CSMD1: variants seen among roughly 807,000 people sequenced by gnomAD.
CSMD1 encodes the protein CUB and sushi domain-containing protein 1.
A neutral mutation model predicts 417.5 loss-of-function variants in CSMD1; 213 were observed. The ratio of observed to expected loss-of-function variants is 0.51; its 90% CI spans 0.46 to 0.57. CSMD1 has a LOEUF of 0.57. Among genes scored for constraint, CSMD1 ranks in the 20% least tolerant of loss-of-function variants. The pLI, the probability that CSMD1 is intolerant of heterozygous loss-of-function variation, is 0.00. For missense variants in CSMD1, 6,923 were observed against 4,529.7 expected (o/e 1.53, Z -15.17); for synonymous variants, 2,862 against 1,736.8 (o/e 1.65, Z -16.11).
At chr8:3,394,269 T>C (rs1241165866) in intron 17 of CSMD1, among the ~76,000 whole-genome samples, 1 of 147,160 alleles carries the variant, frequency 6.8e-6, no homozygotes, top group African/African-American at 2.5e-5. Context: ...TAATGTGTAT[T>C]CCATATTTTA....
intron 7 of CSMD1, among the ~76,000 whole-genome samples, chr8:3,670,864 G>GAT (rs1230332882): frequency 6.7e-6 from 1 of 150,312 alleles, no homozygotes; most frequent in African/African-American, 2.4e-5. Flanking sequence ...ATATGTATGG[G>GAT]ATATATATGT....
intron 21 of CSMD1, among the ~76,000 whole-genome samples, chr8:3,351,516 G>C (rs889258241): frequency 6.7e-6 from 1 of 150,226 alleles, no homozygotes; most frequent in Non-Finnish European, 1.5e-5. Flanking sequence ...GAGGCTGCTT[G>C]AACCCAGGAA....
At chr8:4,727,573 T>C (rs1398430403) in intron 1 of CSMD1, among the ~76,000 whole-genome samples, 1 of 152,194 alleles carries the variant, frequency 6.6e-6, no homozygotes, top group Non-Finnish European at 1.5e-5. Flanking sequence ...TATGCAGATT[T>C]ATTTTCTTAC....
intron 3 of CSMD1, among the ~76,000 whole-genome samples, chr8:4,397,917 G>C (rs894289646): frequency 6.6e-6 from 1 of 151,980 alleles, no homozygotes; most frequent in Non-Finnish European, 1.5e-5. Flanking sequence ...TTTTAAGCTT[G>C]TTCTTTAAAA....
chr8:2,997,435 C>G (rs1807011259), intron 54 of CSMD1, among the ~76,000 whole-genome samples: 1 of 152,140 alleles, frequency 6.6e-6, no homozygotes, highest in South Asian at 2.1e-4. Context: ...CATCTTAATA[C>G]CATAAAAAAT....
At chr8:3,344,254 G>A (rs1004497411) in intron 22 of CSMD1, among the ~76,000 whole-genome samples, 20 of 152,144 alleles carry the variant, frequency 1.3e-4, no homozygotes, top group Non-Finnish European at 1.5e-5. Context: ...GGGTAAAAGT[G>A]TTTAGGACCC....
chr8:3,701,643 T>A (rs561850178), intron 7 of CSMD1, among the ~76,000 whole-genome samples: 81 of 152,228 alleles, frequency 5.3e-4, no homozygotes, highest in Non-Finnish European at 1.0e-4. Context: ...AGTAGATAAA[T>A]ACAAGTGGAA....
intron 68 of CSMD1, among the ~76,000 whole-genome samples, chr8:2,943,175 T>C (rs1177595264): frequency 1.3e-5 from 2 of 152,124 alleles, no homozygotes; most frequent in Non-Finnish European, 2.9e-5. Context: ...CAAGTTTCCA[T>C]GAAGACACAA....
chr8:3,655,221 A>G (rs953558651), intron 7 of CSMD1, among the ~76,000 whole-genome samples: 1 of 152,182 alleles, frequency 6.6e-6, no homozygotes, highest in African/African-American at 2.4e-5. Flanking sequence ...ATGATCATCT[A>G]AAACGTCAAG....
chr8:4,333,552 C>T (rs1799993538), intron 3 of CSMD1, among the ~76,000 whole-genome samples: 1 of 152,158 alleles, frequency 6.6e-6, no homozygotes, highest in Non-Finnish European at 1.5e-5. Flanking sequence ...TCAGGATATG[C>T]ACACCATGAC....
At chr8:3,311,403 T>A (rs62504439) in intron 23 of CSMD1, among the ~76,000 whole-genome samples, 1 of 151,972 alleles carries the variant, frequency 6.6e-6, no homozygotes, top group East Asian at 1.9e-4. Context: ...GTGCGAGCCA[T>A]CACACCCAGC....
At chr8:3,731,154 C>G (rs536300414) in intron 6 of CSMD1, among the ~76,000 whole-genome samples, 25 of 152,290 alleles carry the variant, frequency 1.6e-4, no homozygotes, top group African/African-American at 5.5e-4. Context: ...TTCAGTATGT[C>G]TGTTAACACT....
intron 12 of CSMD1, among the ~76,000 whole-genome samples, chr8:3,411,942 GCACGTATA>G (rs1563361812): frequency 1.3e-3 from 9 of 6,844 alleles, no homozygotes; most frequent in South Asian, 7.2e-3. Flanking sequence ...ACGTATATAT[GCACGTATA>G]TATACACGTA....
At chr8:3,762,690 G>C (rs1033591058) in intron 5 of CSMD1, among the ~76,000 whole-genome samples, 1 of 152,316 alleles carries the variant, frequency 6.6e-6, no homozygotes, top group Admixed American at 6.5e-5. Flanking sequence ...GAGAAAGAGA[G>C]AGAGCCAAAG....
Position 3,109,196 on chromosome 8 carries a change from C to T in CSMD1, c.6609-448G>A, listed in dbSNP as rs957683983. On this transcript the variant is annotated intron_variant, in intron 43 of 69. Coordinates refer to ENST00000635120, the MANE Select transcript of CSMD1 (RefSeq NM_033225.6). ...AGGAGAATTGCTTGAACCCAGGAGG[C>T]GCTGGTTCCAGTGAGCCAAGATCGC... 3.9e-5 allele frequency among the ~76,000 whole-genome samples: 6 copies of T among 152,290 alleles called. 1 individual carries two copies. Among genetic ancestry groups the T allele is most frequent in the South Asian group, 4.1e-4 (2 of 4,824 alleles).
chr8:4,125,228 T>G (rs1463891396), intron 3 of CSMD1, among the ~76,000 whole-genome samples: 1 of 152,170 alleles, frequency 6.6e-6, no homozygotes, highest in Non-Finnish European at 1.5e-5. Flanking sequence ...GGGAACTGCT[T>G]AGGGCCAACC....
At chr8:3,510,625 A>G (rs913507074) in intron 10 of CSMD1, among the ~76,000 whole-genome samples, 1 of 151,848 alleles carries the variant, frequency 6.6e-6, no homozygotes, top group Non-Finnish European at 1.5e-5. Context: ...TTGCAGAAGA[A>G]TAACATACGA....
At chr8:3,961,695 A>T (rs564665587) in intron 5 of CSMD1, among the ~76,000 whole-genome samples, 1 of 152,242 alleles carries the variant, frequency 6.6e-6, no homozygotes, top group South Asian at 2.1e-4. Context: ...TCAAAAAAGA[A>T]AAAGATTGCT....
intron 2 of CSMD1, among the ~76,000 whole-genome samples, chr8:4,608,355 G>C (rs971430783): frequency 6.6e-6 from 1 of 152,152 alleles, no homozygotes; most frequent in African/African-American, 2.4e-5. Flanking sequence ...CCACGGTGGT[G>C]GCTGACCGGA....
Sources: allele counts gnomAD v4.1 joint callset (sites outside exome capture counted in the v4.1 genomes callset), GRCh38; gene constraint gnomAD v4.1.1; transcripts MANE v1.5; gene names NCBI Gene and HGNC (gene_info 2026-07-23, HGNC 2026-07-21).